Variants in HTR4 observed in about 807,000 individuals in gnomAD.
HTR4 encodes 5-hydroxytryptamine (serotonin) receptor 4, G protein-coupled.
In HTR4, 16 loss-of-function variants were observed where a neutral mutation model predicts 36.8. That is an observed-to-expected ratio of 0.43 (90% CI 0.29 to 0.66). HTR4 has a LOEUF of 0.66. Ranked by LOEUF, HTR4 falls within the 30% of genes least tolerant of loss-of-function variation. HTR4 has a pLI of 0.13. For missense variants in HTR4, 438 were observed against 490.9 expected, an observed-to-expected ratio of 0.89 and a Z score of 1.02; for synonymous variants, 189 against 185.1, an observed-to-expected ratio of 1.02 and a Z score of -0.17.
intron 6 of HTR4, among the ~76,000 whole-genome samples, chr5:148,496,180 C>T (rs1023571791): frequency 1.3e-5 from 2 of 152,084 alleles, no homozygotes; most frequent in African/African-American, 2.4e-5. Flanking sequence ...GCTAGCACAC[C>T]TTGGACAATT....
Position 148,644,421 on chromosome 5 carries a change from AGTTTTTTTT to A in HTR4, c.-47-7369_-47-7361del, listed in dbSNP as rs1225667225. On this transcript the variant is annotated intron_variant, in intron 1 of 6. Transcript: ENST00000377888. ...AAGATGAATAGGTCTCAAGCTCACA[AGTTTTTTTT>A]TTTTTTTTTTTTTTTTTTTTTTTTT... 3.4e-3 allele frequency among the ~76,000 whole-genome samples: 292 copies of A among 85,850 alleles called. 5 individuals are homozygous for A. Among genetic ancestry groups the A allele is most frequent in the African/African-American group, 0.012 (278 of 22,320 alleles). The allele number at this position is 85,850 out of a possible 152,430, so 56.3% of individuals were successfully genotyped here.
intron 2 of HTR4, among the ~76,000 whole-genome samples, chr5:148,609,957 C>A (rs541369488): frequency 1.7e-4 from 26 of 152,158 alleles, no homozygotes; most frequent in African/African-American, 6.0e-4. Context: ...AGATTTGACT[C>A]CAGAGAAGAA....
intron 5 of HTR4, among the ~76,000 whole-genome samples, chr5:148,458,897 G>A (rs1755195493): frequency 6.6e-6 from 1 of 152,188 alleles, no homozygotes; most frequent in Non-Finnish European, 1.5e-5. Context: ...GAATGGACTA[G>A]AGTGAGGTTG....
chr5:148,497,288 G>GT (rs1756731867), intron 6 of HTR4, among the ~76,000 whole-genome samples: 2 of 152,060 alleles, frequency 1.3e-5, no homozygotes, highest in African/African-American at 2.4e-5. Context: ...ATACTAATTG[G>GT]TTTTTTCTCA....
chr5:148,510,073 AGAAAAAGT>A, intron 5 of HTR4, 49 bp from the exon 6 acceptor site: 1 of 1,287,722 alleles, frequency 7.8e-7, no homozygotes, highest in Non-Finnish European at 1.1e-6. Context: ...TAAAAAGGAA[AGAAAAAGT>A]GAAAAAGAAG....
intron 5 of HTR4, among the ~76,000 whole-genome samples, chr5:148,465,428 G>T (rs779911862): frequency 9.9e-5 from 15 of 152,198 alleles, no homozygotes; most frequent in Middle Eastern, 3.4e-3. Flanking sequence ...TTTTTAAAAA[G>T]TACCTTATTT....
intron 4 of HTR4, among the ~76,000 whole-genome samples, chr5:148,544,042 C>G (rs969966445): frequency 2.0e-5 from 3 of 152,064 alleles, no homozygotes; most frequent in Admixed American, 6.6e-5. Context: ...GATGGACTTG[C>G]ATTTGAGAAG....
At chr5:148,600,159 T>A (rs1011594463) in intron 2 of HTR4, among the ~76,000 whole-genome samples, 1 of 150,526 alleles carries the variant, frequency 6.6e-6, no homozygotes, top group African/African-American at 2.4e-5. Context: ...TTAAATAAAC[T>A]CATGAAAAAG....
chr5:148,488,339 A>G (rs1756259822), intron 6 of HTR4, among the ~76,000 whole-genome samples: 1 of 152,220 alleles, frequency 6.6e-6, no homozygotes. Flanking sequence ...GCTCTGGTTT[A>G]ACAAGTCTCT....
At chr5:148,461,436 T>C (rs1386246150) in intron 5 of HTR4, among the ~76,000 whole-genome samples, 1 of 151,958 alleles carries the variant, frequency 6.6e-6, no homozygotes, top group African/African-American at 2.4e-5. Context: ...TATACCAAGG[T>C]AATATTAATC....
At chr5:148,479,015 T>TC (rs1056560612), downstream of HTR4, among the ~76,000 whole-genome samples, 15 of 152,036 alleles carry the variant, frequency 9.9e-5, no homozygotes, top group African/African-American at 3.4e-4. Flanking sequence ...GTTTTTTTTT[T>TC]CTAAAGGCTT....
intron 2 of HTR4, among the ~76,000 whole-genome samples, chr5:148,575,207 C>T (rs1760845224): frequency 6.6e-6 from 1 of 152,002 alleles, no homozygotes; most frequent in Admixed American, 6.6e-5. Flanking sequence ...GAGAGGTAAG[C>T]ATCCCCTGAT....
intron 6 of HTR4, among the ~76,000 whole-genome samples, chr5:148,488,358 A>G (rs1048871523): frequency 1.3e-5 from 2 of 152,314 alleles, no homozygotes; most frequent in Non-Finnish European, 2.9e-5. Flanking sequence ...CTAATACCTA[A>G]CAAACACAGT....
At chr5:148,600,494 G>A (rs1452673680) in intron 2 of HTR4, among the ~76,000 whole-genome samples, 1 of 151,046 alleles carries the variant, frequency 6.6e-6, no homozygotes, top group Non-Finnish European at 1.5e-5. Context: ...AAATGTTGGA[G>A]CTAAGAAAGG....
downstream of HTR4, among the ~76,000 whole-genome samples, chr5:148,478,130 A>T (rs1344807437): frequency 6.6e-6 from 1 of 152,202 alleles, no homozygotes; most frequent in East Asian, 1.9e-4. Context: ...ACCCTGCCTC[A>T]TAGTCGGTGT....
chr5:148,469,625 G>C (rs1755515849), intron 5 of HTR4, among the ~76,000 whole-genome samples: 2 of 152,200 alleles, frequency 1.3e-5, no homozygotes, highest in African/African-American at 2.4e-5. Context: ...TATCCACTAG[G>C]CTTGGTCATC....
At chr5:148,554,224 T>C (rs1759827972) in intron 2 of HTR4, among the ~76,000 whole-genome samples, 1 of 152,060 alleles carries the variant, frequency 6.6e-6, no homozygotes, top group Non-Finnish European at 1.5e-5. Context: ...TACAGGAATA[T>C]GCCACCATGC....
intron 1 of HTR4, among the ~76,000 whole-genome samples, chr5:148,640,865 A>G (rs1044324848): frequency 6.6e-6 from 1 of 152,228 alleles, no homozygotes; most frequent in Non-Finnish European, 1.5e-5. Context: ...CACAAGGAAA[A>G]TCTTGTATAT....
chr5:148,500,415 C>A (rs1185524093), intron 6 of HTR4, among the ~76,000 whole-genome samples: 1 of 151,908 alleles, frequency 6.6e-6, no homozygotes, highest in African/African-American at 2.4e-5. Context: ...GAAAAAGTTG[C>A]TGGTGAGTTA....
Sources: gnomAD v4.1 joint callset for allele counts (sites outside exome capture counted in the v4.1 genomes callset) on GRCh38, gnomAD v4.1.1 for gene constraint, MANE v1.5 for transcripts, NCBI Gene and HGNC (gene_info 2026-07-23, HGNC 2026-07-21) for gene names.